Variants in DENND4A observed in about 807,000 individuals in gnomAD.
The protein encoded by DENND4A is DENN domain containing 4A.
A neutral mutation model predicts 199.3 loss-of-function variants in DENND4A; 70 were observed. The ratio of observed to expected loss-of-function variants is 0.35; its 90% CI spans 0.29 to 0.43. DENND4A has a LOEUF of 0.43. Among genes scored for constraint, DENND4A ranks in the 20% least tolerant of loss-of-function variants. DENND4A has a pLI of 1.00. For missense variants in DENND4A, 1,723 were observed against 2,255.8 expected, an observed-to-expected ratio of 0.76 and a Z score of 4.78; for synonymous variants, 686 against 766.9, an observed-to-expected ratio of 0.89 and a Z score of 1.74.
intron 1 of DENND4A, among the ~76,000 whole-genome samples, chr15:65,789,563 C>T (rs747134333): frequency 2.9e-4 from 44 of 151,052 alleles, no homozygotes; most frequent in Non-Finnish European, 5.2e-4. Context: ...CACTCTTCTT[C>T]TACCTGTGGT....
At chr15:65,751,502 T>C (rs1232758338) in intron 4 of DENND4A, among the ~76,000 whole-genome samples, 1 of 152,206 alleles carries the variant, frequency 6.6e-6, no homozygotes, top group Non-Finnish European at 1.5e-5. Context: ...ACGTGGCCTA[T>C]ATTTAAATGA....
chr15:65,721,170 A>G (rs2075628860), intron 12 of DENND4A, among the ~76,000 whole-genome samples: 1 of 151,676 alleles, frequency 6.6e-6, no homozygotes, highest in South Asian at 2.1e-4. Flanking sequence ...AGCTATTCAA[A>G]AGAAGTGCAA....
intron 28 of DENND4A, 43 bp downstream of exon 28, chr15:65,667,882 A>C: frequency 6.4e-7 from 1 of 1,572,822 alleles, no homozygotes; most frequent in Non-Finnish European, 8.6e-7. Flanking sequence ...AATCATACGT[A>C]AGTGATCAAT....
Position 65,691,238 on chromosome 15 carries a change from G to A in DENND4A, c.3356C>T (p.Thr1119Met), listed in dbSNP as rs961755153. 22 of 1,613,188 alleles carry A rather than the reference G, an allele frequency of 1.4e-5. No homozygotes were observed. The highest frequency in any genetic ancestry group is 5.3e-5 in the African/African-American group (4 of 74,996). ...CCCAATATCAAGAGTATTTGGTCTC[G>A]TGCTTTTTGAGATAACATTTGAAAG... is the stretch of plus-strand genomic sequence containing the variant. ...KILSNVISKS[T>M]RPNTLDIGKP... Residue 1119 changes from threonine to methionine, a missense_variant, in exon 23 of 33, where the codon ACG becomes ATG. By Grantham distance (81) the Thr-to-Met change is moderately conservative (BLOSUM62 -1). Coordinates refer to ENST00000443035, the MANE Select transcript of DENND4A (RefSeq NM_001320835.1).
At chr15:65,753,872 T>C (rs2076632735) in intron 3 of DENND4A, 1 of 150,912 alleles carries the variant, frequency 6.6e-6, no homozygotes. Flanking sequence ...TTCGCTTTTG[T>C]TGCCCAGGCT....
chr15:65,732,292 G>C (rs1238629833), intron 8 of DENND4A, among the ~76,000 whole-genome samples: 2 of 151,984 alleles, frequency 1.3e-5, no homozygotes, highest in African/African-American at 4.8e-5. Context: ...CAGGAAACAA[G>C]ACAGAAATCA....
chr15:65,735,995 CAATAATTA>C (rs1310509025), intron 7 of DENND4A, among the ~76,000 whole-genome samples: 1 of 152,076 alleles, frequency 6.6e-6, no homozygotes, highest in Non-Finnish European at 1.5e-5. Context: ...CAATATTTGC[CAATAATTA>C]AATACAAACT....
intron 1 of DENND4A, among the ~76,000 whole-genome samples, chr15:65,790,965 G>A (rs551213813): frequency 5.9e-5 from 9 of 152,162 alleles, no homozygotes; most frequent in Non-Finnish European, 1.3e-4. Context: ...GGTATACTAG[G>A]GTAAACAGAA....
intron 1 of DENND4A, among the ~76,000 whole-genome samples, chr15:65,766,068 G>C (rs2076976130): frequency 6.6e-6 from 1 of 152,124 alleles, no homozygotes; most frequent in African/African-American, 2.4e-5. Flanking sequence ...GGCCAACATA[G>C]TGAAACCCTG....
chr15:65,703,277 A>C, intron 15 of DENND4A, among the ~76,000 whole-genome samples: 1 of 152,232 alleles, frequency 6.6e-6, no homozygotes, highest in Middle Eastern at 3.2e-3. Context: ...ATCCAACTCC[A>C]AGGTAACTTT....
Position 65,664,751 on chromosome 15 carries a change from G to A in DENND4A, c.5360-29C>T, listed in dbSNP as rs749959456. ...TAAACGAACAAAAGAACAGATGAAG[G>A]AAAATGTTCTGTGTAGAAAGGAGAA... On this transcript the variant is annotated intron_variant, in intron 30 of 32. Transcript: ENST00000443035. 44 of 1,585,812 alleles carry A rather than the reference G, an allele frequency of 2.8e-5. No individual in the cohort carries two copies. The African/African-American group carries it at 4.5e-4, about 16-fold the overall frequency.
intron 29 of DENND4A, among the ~76,000 whole-genome samples, chr15:65,665,865 A>G (rs1057461797): frequency 6.6e-6 from 1 of 152,238 alleles, no homozygotes; most frequent in Non-Finnish European, 1.5e-5. Flanking sequence ...ATGCACAATC[A>G]TAGGCATGCA....
intron 1 of DENND4A, chr15:65,766,647 C>A (rs1391014402): frequency 6.6e-6 from 1 of 152,084 alleles, no homozygotes; most frequent in Admixed American, 6.6e-5. Context: ...GAACTGGTCC[C>A]CAGCAGACAG....
At position 65,659,769 on chromosome 15, in the gene DENND4A, T is replaced by G. The variant is rs2075799376; in HGVS notation, c.*2082A>C. The G allele has an allele frequency of 6.5e-6, 1 of 153,954 alleles. No individual in the cohort carries two copies. The highest frequency in any genetic ancestry group is 2.0e-4 in the South Asian group (1 of 4,958). 9.5% of individuals were successfully genotyped at this position (153,954 alleles called of 1,614,324 possible). ...ATTAAAAGTAGGGGAAATACAACCCTCTCCAAAAGCAGAAACAAAACTTGG... is the reference window on the plus strand; with the variant it reads ...ATTAAAAGTAGGGGAAATACAACCCGCTCCAAAAGCAGAAACAAAACTTGG... On this transcript the variant is annotated 3_prime_UTR_variant, in exon 33 of 33. Transcript: ENST00000443035.
At chr15:65,691,996 T>A (rs910010635) in intron 22 of DENND4A, among the ~76,000 whole-genome samples, 1 of 148,416 alleles carries the variant, frequency 6.7e-6, no homozygotes, top group Non-Finnish European at 1.5e-5. Context: ...AGACACAGGA[T>A]CTCACTATGT....
At position 65,718,009 on chromosome 15, in the gene DENND4A, A is replaced by C. The variant is rs372236849; in HGVS notation, c.1589-13T>G. The C allele has an allele frequency of 1.8e-5, 28 of 1,567,182 alleles. No homozygotes were observed. The highest frequency in any genetic ancestry group is 2.4e-5 in the Non-Finnish European group (28 of 1,152,494). Reference sequence around the variant, plus strand: ...GGTCTCTGCTGCACTGTGAAGACATACAGTGTTAGTGTTTTCTCCAAACTC... The same window carrying C: ...GGTCTCTGCTGCACTGTGAAGACATCCAGTGTTAGTGTTTTCTCCAAACTC... On this transcript the variant is annotated splice_polypyrimidine_tract_variant and intron_variant, in intron 12 of 32. Coordinates refer to ENST00000443035, the MANE Select transcript of DENND4A (RefSeq NM_001320835.1).
chr15:65,713,939 G>A (rs1567035716), intron 14 of DENND4A, among the ~76,000 whole-genome samples: 1 of 151,998 alleles, frequency 6.6e-6, no homozygotes, highest in African/African-American at 2.4e-5. Flanking sequence ...AATGTACAGA[G>A]GTAGGGAATA....
At chr15:65,718,760 C>CTTTTTTATTTTTTTTTTTTTTTT (rs2075499788) in intron 12 of DENND4A, among the ~76,000 whole-genome samples, 1 of 67,738 alleles carries the variant, frequency 1.5e-5, no homozygotes, top group South Asian at 6.1e-4. Context: ...GTTTTTTTTC[C>CTTTTTTATTTTTTTTTTTTTTTT]TTTTTTTTTT....
At chr15:65,667,885 T>G in intron 28 of DENND4A, 40 bp downstream of exon 28, 1 of 1,575,384 alleles carries the variant, frequency 6.3e-7, no homozygotes, top group Non-Finnish European at 8.6e-7. Flanking sequence ...CATACGTAAG[T>G]GATCAATTTC....
Sources: gnomAD v4.1 joint callset for allele counts (sites outside exome capture counted in the v4.1 genomes callset) on GRCh38, gnomAD v4.1.1 for gene constraint, MANE v1.5 for transcripts, NCBI Gene and HGNC (gene_info 2026-07-23, HGNC 2026-07-21) for gene names.